Variants in ANKS1B observed in about 807,000 individuals in gnomAD.
ANKS1B encodes ankyrin repeat and sterile alpha motif domain-containing protein 1B.
A neutral mutation model predicts 148.3 loss-of-function variants in ANKS1B; 36 were observed. The observed-to-expected ratio is 0.24, with a 90% CI of 0.19 to 0.32. The LOEUF is 0.32. Ranked by LOEUF, ANKS1B falls within the 10% of genes least tolerant of loss-of-function variation. The pLI is 1.00. For missense variants in ANKS1B, 1,157 were observed against 1,542.6 expected (o/e 0.75, Z 4.19); for synonymous variants, 542 against 560.8 (o/e 0.97, Z 0.47).
chr12:99,677,701 T>C (rs1486850641), intron 8 of ANKS1B, among the ~76,000 whole-genome samples: 1 of 152,188 alleles, frequency 6.6e-6, no homozygotes, highest in African/African-American at 2.4e-5. Context: ...GTTCAGTTTG[T>C]AGTGGCTCAC....
In ANKS1B at chr12:99,984,419, C is replaced by T. The variant is rs932167820; in HGVS notation, c.-182G>A. On this transcript the variant is annotated 5_prime_UTR_variant, in exon 1 of 27. Transcript: ENST00000683438. ...CGACTCTCTCCTCCTCTTCGGGGCGCAGCTTTTACAATGGGGATCAGACCA... is the reference window on the plus strand; with the variant it reads ...CGACTCTCTCCTCCTCTTCGGGGCGTAGCTTTTACAATGGGGATCAGACCA... The T allele has an allele frequency of 4.6e-5, 25 of 544,754 alleles. No individual in the cohort carries two copies. Among genetic ancestry groups the T allele is most frequent in the Non-Finnish European group, 7.6e-5 (24 of 314,496 alleles). The allele number at this position is 544,754 out of a possible 1,614,324, so 33.7% of individuals were successfully genotyped here. A position where few individuals can be genotyped will look rare whatever the true frequency, so the allele number is the denominator to read the frequency against.
intron 12 of ANKS1B, among the ~76,000 whole-genome samples, chr12:99,369,427 TAAAG>T (rs1200854803): frequency 2.0e-5 from 3 of 152,148 alleles, no homozygotes; most frequent in African/African-American, 2.4e-5. Flanking sequence ...GTTCTAGACT[TAAAG>T]AAACTTGAGT....
intron 9 of ANKS1B, among the ~76,000 whole-genome samples, chr12:99,564,586 A>C (rs1340824373): frequency 1.3e-5 from 2 of 152,080 alleles, no homozygotes; most frequent in African/African-American, 2.4e-5. Context: ...GATACACATT[A>C]CTTCAATCTA....
At chr12:99,179,924 T>G (rs1329468172) in intron 14 of ANKS1B, among the ~76,000 whole-genome samples, 1 of 152,234 alleles carries the variant, frequency 6.6e-6, no homozygotes, top group Non-Finnish European at 1.5e-5. Context: ...TTGGGCTTAA[T>G]CAACCCCAAC....
intron 9 of ANKS1B, among the ~76,000 whole-genome samples, chr12:99,550,049 C>T (rs575545154): frequency 6.6e-6 from 1 of 152,318 alleles, no homozygotes; most frequent in African/African-American, 2.4e-5. Context: ...GTCCAATAAA[C>T]CTGTGTTGTT....
intron 12 of ANKS1B, among the ~76,000 whole-genome samples, chr12:99,311,284 T>C (rs1454229170): frequency 6.6e-6 from 1 of 151,934 alleles, no homozygotes; most frequent in Non-Finnish European, 1.5e-5. Flanking sequence ...ACCCAGCAAG[T>C]TGAAAAAAAT....
chr12:99,315,236 C>A (rs1334269353), intron 12 of ANKS1B, among the ~76,000 whole-genome samples: 9 of 143,532 alleles, frequency 6.3e-5, no homozygotes, highest in Non-Finnish European at 6.0e-5. Flanking sequence ...GAGACTTCAT[C>A]TCAAAAAAAA....
At chr12:99,633,967 T>G (rs2098202695) in intron 9 of ANKS1B, among the ~76,000 whole-genome samples, 1 of 152,178 alleles carries the variant, frequency 6.6e-6, no homozygotes, top group Admixed American at 6.5e-5. Context: ...ATCATGAGAC[T>G]ATGAATTTTG....
intron 11 of ANKS1B, among the ~76,000 whole-genome samples, chr12:99,419,817 C>T (rs2095030568): frequency 6.6e-6 from 1 of 152,076 alleles, no homozygotes; most frequent in African/African-American, 2.4e-5. Context: ...TACAGGCACA[C>T]ACCACCGTGT....
intron 8 of ANKS1B, among the ~76,000 whole-genome samples, chr12:99,731,058 TC>T (rs1600850750): frequency 6.6e-6 from 1 of 151,976 alleles, no homozygotes; most frequent in East Asian, 1.9e-4. Context: ...TGCCTCAGCC[TC>T]CCTCCCAAAT....
At chr12:99,933,860 A>G (rs2094689528) in intron 1 of ANKS1B, among the ~76,000 whole-genome samples, 1 of 152,084 alleles carries the variant, frequency 6.6e-6, no homozygotes, top group Admixed American at 6.6e-5. Context: ...ATTCAGTAAG[A>G]TACTAGCTGT....
At chr12:99,916,788 A>G (rs2094185129) in intron 1 of ANKS1B, among the ~76,000 whole-genome samples, 1 of 152,252 alleles carries the variant, frequency 6.6e-6, no homozygotes, top group Non-Finnish European at 1.5e-5. Flanking sequence ...GTCACACTAT[A>G]GCCCAAGGCA....
intron 16 of ANKS1B, among the ~76,000 whole-genome samples, chr12:99,059,642 A>C (rs1159876695): frequency 6.6e-6 from 1 of 152,022 alleles, no homozygotes; most frequent in Non-Finnish European, 1.5e-5. Context: ...TGTCAGCTAT[A>C]AAATGAAGGT....
chr12:99,574,049 ATTGCC>A (rs2097490454), intron 9 of ANKS1B, among the ~76,000 whole-genome samples: 1 of 152,078 alleles, frequency 6.6e-6, no homozygotes, highest in Non-Finnish European at 1.5e-5. Flanking sequence ...GTTTACAGGA[ATTGCC>A]TTGACCAACA....
At chr12:99,929,089 A>G (rs1004040747) in intron 1 of ANKS1B, among the ~76,000 whole-genome samples, 7 of 152,260 alleles carry the variant, frequency 4.6e-5, no homozygotes, top group African/African-American at 1.2e-4. Context: ...GTCCAACAGC[A>G]TCATGAGAAC....
At chr12:99,889,169 T>C in intron 1 of ANKS1B, among the ~76,000 whole-genome samples, 1 of 152,166 alleles carries the variant, frequency 6.6e-6, no homozygotes, top group East Asian at 1.9e-4. Flanking sequence ...GGAAGCACTA[T>C]TACTCCGTAC....
intron 1 of ANKS1B, among the ~76,000 whole-genome samples, chr12:99,906,516 TTGATTGAC>T (rs143028450): frequency 0.014 from 2,063 of 152,324 alleles, 22 homozygotes; most frequent in Non-Finnish European, 0.02. Context: ...CGGAATTTGG[TTGATTGAC>T]TGATTTGTTT....
chr12:98,768,733 CAAAA>C (rs36034629), intron 25 of ANKS1B, among the ~76,000 whole-genome samples: 1 of 80,608 alleles, frequency 1.2e-5, no homozygotes, highest in Non-Finnish European at 2.5e-5. Flanking sequence ...GACTCCATCT[CAAAA>C]AAAAAAAAAA....
intron 19 of ANKS1B, among the ~76,000 whole-genome samples, chr12:98,827,274 G>C (rs1166142425): frequency 6.6e-6 from 1 of 152,136 alleles, no homozygotes; most frequent in Non-Finnish European, 1.5e-5. Context: ...TTGAACAGCA[G>C]GCTTTTAGAA....
Sources: allele counts gnomAD v4.1 joint callset (sites outside exome capture counted in the v4.1 genomes callset), GRCh38; gene constraint gnomAD v4.1.1; transcripts MANE v1.5; gene names NCBI Gene and HGNC (gene_info 2026-07-23, HGNC 2026-07-21).